The following GABRA3 variants were observed in gnomAD, a reference collection of about 807,000 sequenced individuals.
GABRA3 encodes the protein gamma-aminobutyric acid type A receptor subunit alpha3.
GABRA3 carries 10 observed loss-of-function variants against 30.1 expected under a neutral mutation model. That is an observed-to-expected ratio of 0.33 (90% CI 0.20 to 0.56). The LOEUF is 0.56. Among genes scored for constraint, GABRA3 ranks in the 20% least tolerant of loss-of-function variants. The pLI, the probability that GABRA3 is intolerant of heterozygous loss-of-function variation, is 0.89. For synonymous variants in GABRA3, 151 were observed against 146.8 expected (o/e 1.03, Z -0.21); for missense variants, 233 against 392.0 (o/e 0.59, Z 3.42).
intron 7 of GABRA3, among the ~76,000 whole-genome samples, chrX:152,199,166 A>G (rs975319089): frequency 1.4e-4 from 16 of 110,393 alleles, no homozygotes; most frequent in African/African-American, 2.6e-4. Context: ...GGAGATCGAG[A>G]CCATCCTGGC....
At chrX:152,302,938 C>T (rs1044299524) in intron 3 of GABRA3, among the ~76,000 whole-genome samples, 2 of 111,744 alleles carry the variant, frequency 1.8e-5, no homozygotes, top group South Asian at 3.7e-4. Context: ...TGTAGGATTC[C>T]GTGGTGTATA....
At chrX:152,425,608 C>T (rs2124541454) in intron 1 of GABRA3, among the ~76,000 whole-genome samples, 1 of 111,568 alleles carries the variant, frequency 9.0e-6, no homozygotes, top group Non-Finnish European at 1.9e-5. Flanking sequence ...GGAAAGAACA[C>T]TATCTAAGTA....
chrX:152,444,896 C>T (rs1404835437), intron 1 of GABRA3, among the ~76,000 whole-genome samples: 26 of 94,505 alleles, frequency 2.8e-4, no homozygotes, highest in South Asian at 1.6e-3. Flanking sequence ...CCCGTCTCTA[C>T]TAAAAATACA....
At chrX:152,249,670 C>T (rs1390419451) in intron 5 of GABRA3, among the ~76,000 whole-genome samples, 2 of 110,414 alleles carry the variant, frequency 1.8e-5, no homozygotes, top group Non-Finnish European at 3.8e-5. Flanking sequence ...GCGTATAAGC[C>T]CCTCTCCCCA....
At chrX:152,369,811 A>G (rs1161937475) in intron 1 of GABRA3, among the ~76,000 whole-genome samples, 2 of 111,630 alleles carry the variant, frequency 1.8e-5, no homozygotes, top group Non-Finnish European at 3.8e-5. Flanking sequence ...TTTTAAATTC[A>G]AAGATATATG....
At chrX:152,198,231 T>TC (rs749748466) in intron 7 of GABRA3, among the ~76,000 whole-genome samples, 1 of 112,045 alleles carries the variant, frequency 8.9e-6, no homozygotes, top group East Asian at 2.8e-4. Context: ...TGCATAAGGT[T>TC]ACACAGCTAG....
At chrX:152,330,532 C>T (rs911777444) in intron 3 of GABRA3, among the ~76,000 whole-genome samples, 3 of 111,423 alleles carry the variant, frequency 2.7e-5, no homozygotes, top group African/African-American at 6.5e-5. Context: ...AAAAACGATG[C>T]GTTCATGTTC....
rs1310038058 is a variant in GABRA3, at chrX:152,166,829, T to C, written c.*1399A>G. ...GCTGATTCTGAGGTCACGGTGGACCTGGCTTCTCAGTCCTTTATTTTGGCC... is the reference window on the plus strand; with the variant it reads ...GCTGATTCTGAGGTCACGGTGGACCCGGCTTCTCAGTCCTTTATTTTGGCC... On this transcript the variant is annotated 3_prime_UTR_variant, in exon 10 of 10. Transcript: ENST00000370314. 9.0e-6 allele frequency: 1 copy of C among 111,227 alleles called. No homozygotes were observed. Among genetic ancestry groups the C allele is most frequent in the East Asian group, 2.8e-4 (1 of 3,527 alleles). 9.2% of individuals were successfully genotyped at this position (111,227 alleles called of 1,213,427 possible).
chrX:152,429,692 G>C (rs912025498), intron 1 of GABRA3, among the ~76,000 whole-genome samples: 3 of 111,430 alleles, frequency 2.7e-5, no homozygotes, highest in African/African-American at 9.8e-5. Context: ...CATCAATCTG[G>C]CAACCACAAC....
At chrX:152,349,572 A>C (rs1331576703) in intron 2 of GABRA3, among the ~76,000 whole-genome samples, 1 of 109,056 alleles carries the variant, frequency 9.2e-6, no homozygotes, top group Non-Finnish European at 1.9e-5. Flanking sequence ...TCTCACGTGC[A>C]AAGACACACA....
chrX:152,400,857 T>C (rs762258053), intron 1 of GABRA3, among the ~76,000 whole-genome samples: 1 of 110,976 alleles, frequency 9.0e-6, no homozygotes, highest in African/African-American at 3.3e-5. Flanking sequence ...GATGAAGGGA[T>C]CCCATGATCC....
chrX:152,227,731 C>T (rs182521228), intron 5 of GABRA3, among the ~76,000 whole-genome samples: 1 of 109,006 alleles, frequency 9.2e-6, no homozygotes, highest in Non-Finnish European at 1.9e-5. Context: ...CCTATAGTGA[C>T]CCTGTGAGGG....
At chrX:152,170,277 G>A (rs753588568) in intron 9 of GABRA3, among the ~76,000 whole-genome samples, 1 of 112,478 alleles carries the variant, frequency 8.9e-6, no homozygotes, top group Non-Finnish European at 1.9e-5. Context: ...CACAAAAGAT[G>A]AGCATGCGGC....
intron 3 of GABRA3, among the ~76,000 whole-genome samples, chrX:152,337,748 A>G (rs1311420063): frequency 2.7e-5 from 3 of 111,818 alleles, no homozygotes; most frequent in Non-Finnish European, 5.6e-5. Context: ...GAGCCCAGGA[A>G]ATCAAGGCTG....
chrX:152,384,341 A>T (rs1603251819), intron 1 of GABRA3, among the ~76,000 whole-genome samples: 1 of 111,828 alleles, frequency 8.9e-6, no homozygotes, highest in South Asian at 3.7e-4. Flanking sequence ...CCAAAATACC[A>T]ATGACATTTT....
At chrX:152,284,261 G>A (rs959676555) in intron 4 of GABRA3, among the ~76,000 whole-genome samples, 1 of 111,470 alleles carries the variant, frequency 9.0e-6, no homozygotes, top group Non-Finnish European at 1.9e-5. Flanking sequence ...CAGTTACAAG[G>A]AACAGACTTC....
At chrX:152,383,973 C>CAAAAA (rs34355005) in intron 1 of GABRA3, among the ~76,000 whole-genome samples, 1 of 73,232 alleles carries the variant, frequency 1.4e-5, no homozygotes, top group Non-Finnish European at 2.5e-5. Context: ...GACTCCACCA[C>CAAAAA]AAAAAAAAAA....
chrX:152,372,799 C>G (rs758330964), intron 1 of GABRA3, among the ~76,000 whole-genome samples: 1 of 112,157 alleles, frequency 8.9e-6, no homozygotes, highest in Non-Finnish European at 1.9e-5. Flanking sequence ...GAAAACTTTT[C>G]TGTTCTCTTT....
At chrX:152,395,880 C>T (rs1929647908) in intron 1 of GABRA3, among the ~76,000 whole-genome samples, 2 of 111,939 alleles carry the variant, frequency 1.8e-5, no homozygotes, top group South Asian at 3.7e-4. Context: ...GAACAGAGAA[C>T]TAAGCTGTAG....
Sources: allele counts gnomAD v4.1 joint callset (sites outside exome capture counted in the v4.1 genomes callset), GRCh38; gene constraint gnomAD v4.1.1; transcripts MANE v1.5; gene names NCBI Gene and HGNC (gene_info 2026-07-23, HGNC 2026-07-21).